ARFGAP3: variants seen among roughly 807,000 people sequenced by gnomAD.
ARFGAP3 encodes ADP-ribosylation factor GTPase-activating protein 3.
A neutral mutation model predicts 75.0 loss-of-function variants in ARFGAP3; 72 were observed. The observed-to-expected ratio is 0.96, with a 90% CI of 0.79 to 1.17. The LOEUF is 1.17. ARFGAP3 is among the 50% of genes most tolerant of loss of function. The pLI is 0.00. For missense variants in ARFGAP3, 620 were observed against 626.6 expected, an observed-to-expected ratio of 0.99 and a Z score of 0.11; for synonymous variants, 221 against 217.9, an observed-to-expected ratio of 1.01 and a Z score of -0.13.
At chr22:42,838,394 C>T (rs1263106510) in intron 3 of ARFGAP3, among the ~76,000 whole-genome samples, 1 of 150,912 alleles carries the variant, frequency 6.6e-6, no homozygotes, top group African/African-American at 2.4e-5. Context: ...AACTCCTGGG[C>T]TCAAGTGATC....
intron 15 of ARFGAP3, 146 bp from the exon 16 acceptor site, chr22:42,797,751 T>G: frequency 6.4e-7 from 1 of 1,557,658 alleles, no homozygotes; most frequent in Admixed American, 2.0e-5. Flanking sequence ...GGTGTGCTCA[T>G]CTGGAAGCAG....
rs757780559 is a variant in ARFGAP3, at chr22:42,808,814, T to C, written c.1273A>G (p.Lys425Glu). ...DEAQKKFGNV[K>E]AISSDMYFGR... The stretch of plus-strand genomic sequence containing the variant: ...AAATACATATCTGATGAAATGGCCT[T>C]GACATTGCCAAACTTCTTCTGGGCC... Residue 425 changes from lysine (K) to glutamate (E), a missense_variant, in exon 13 of 16, where the codon AAG becomes GAG. Coordinates refer to ENST00000263245, the MANE Select transcript of ARFGAP3 (RefSeq NM_014570.5). 4.3e-6 allele frequency: 7 copies of C among 1,613,782 alleles called. No homozygotes were observed. The African/African-American group carries it at 8.0e-5, about 18-fold the overall frequency.
At chr22:42,837,886 G>A (rs1161507489) in intron 3 of ARFGAP3, among the ~76,000 whole-genome samples, 1 of 151,256 alleles carries the variant, frequency 6.6e-6, no homozygotes, top group Admixed American at 6.6e-5. Flanking sequence ...TGTCCAGGCT[G>A]GTCTTGAACT....
intron 5 of ARFGAP3, among the ~76,000 whole-genome samples, chr22:42,832,648 C>T (rs955197933): frequency 2.0e-5 from 3 of 151,970 alleles, no homozygotes; most frequent in Admixed American, 1.3e-4. Context: ...GCTGGCAGAA[C>T]ATATGATGGT....
intron 4 of ARFGAP3, 32 bp from the exon 5 acceptor site, chr22:42,834,357 T>C (rs1291295430): frequency 1.9e-6 from 3 of 1,607,494 alleles, no homozygotes; most frequent in Admixed American, 1.7e-5. Context: ...GGGCTGAGCA[T>C]TTCATCCGGC....
chr22:42,811,023 T>A, intron 11 of ARFGAP3, 79 bp from the exon 12 acceptor site: 1 of 1,559,178 alleles, frequency 6.4e-7, no homozygotes, highest in Non-Finnish European at 8.7e-7. Flanking sequence ...TCCACAGATG[T>A]GGGGGATGCC....
At chr22:42,810,003 TA>T (rs35072147) in intron 12 of ARFGAP3, among the ~76,000 whole-genome samples, 5,121 of 102,012 alleles carry the variant, frequency 0.05, 190 homozygotes, top group African/African-American at 0.11. Context: ...GACTCCATCT[TA>T]AAAAAAAAAA....
intron 15 of ARFGAP3, 82 bp downstream of exon 15, chr22:42,798,957 C>A: frequency 1.8e-6 from 2 of 1,139,490 alleles, no homozygotes; most frequent in Admixed American, 1.7e-5. Context: ...AATTTTCCAG[C>A]AGTTGAAGAT....
At chr22:42,853,927 T>C (rs1293496405) in intron 1 of ARFGAP3, 3 of 154,516 alleles carry the variant, frequency 1.9e-5, no homozygotes, top group Non-Finnish European at 4.4e-5. Flanking sequence ...GGGCGTGGGA[T>C]GGTGGCGGTA....
intron 6 of ARFGAP3, among the ~76,000 whole-genome samples, chr22:42,827,591 C>A (rs559539387): frequency 1.1e-3 from 165 of 152,324 alleles, no homozygotes; most frequent in Admixed American, 2.0e-3. Context: ...GTCTCAAATT[C>A]CTGACCTCAG....
At chr22:42,818,698 TATC>T (rs1458074614) in intron 9 of ARFGAP3, among the ~76,000 whole-genome samples, 1 of 151,780 alleles carries the variant, frequency 6.6e-6, no homozygotes, top group East Asian at 1.9e-4. Context: ...ATTTCTAAGT[TATC>T]ATCCACTTTA....
intron 1 of ARFGAP3, among the ~76,000 whole-genome samples, chr22:42,851,964 C>A (rs1927294363): frequency 6.6e-6 from 1 of 152,178 alleles, no homozygotes; most frequent in Non-Finnish European, 1.5e-5. Flanking sequence ...CCCATCAGGG[C>A]CAGCTTCCTG....
intron 4 of ARFGAP3, among the ~76,000 whole-genome samples, chr22:42,834,741 C>T (rs1432223634): frequency 6.6e-6 from 1 of 152,192 alleles, no homozygotes; most frequent in Non-Finnish European, 1.5e-5. Context: ...AAATGAGTTG[C>T]CCAAGAAGCA....
intron 7 of ARFGAP3, among the ~76,000 whole-genome samples, chr22:42,824,833 T>C (rs1481837726): frequency 1.3e-5 from 2 of 152,180 alleles, no homozygotes; most frequent in African/African-American, 2.4e-5. Flanking sequence ...TCAGCTCTTG[T>C]TCCCCTCTCT....
At chr22:42,797,692 T>G in intron 15 of ARFGAP3, 87 bp from the exon 16 acceptor site, 1 of 1,612,932 alleles carries the variant, frequency 6.2e-7, no homozygotes, top group Non-Finnish European at 8.5e-7. Flanking sequence ...TCACCCAAAT[T>G]GACACTGCAG....
chr22:42,847,635 G>A lies in ARFGAP3; in HGVS notation c.70-3C>T. 2 of 1,598,654 alleles carry A rather than the reference G, an allele frequency of 1.3e-6. No homozygotes were observed. Among genetic ancestry groups the A allele is most frequent in the Non-Finnish European group, 1.7e-6 (2 of 1,173,922 alleles). Reference sequence around the variant, plus strand: ...TTGGCACCACAATCAAAACACACCTGAAAAAAAATGTTAAATTCAGTTACT... The same window carrying A: ...TTGGCACCACAATCAAAACACACCTAAAAAAAAATGTTAAATTCAGTTACT... On this transcript the variant is annotated splice_region_variant and splice_polypyrimidine_tract_variant and intron_variant, in intron 1 of 15. Transcript: ENST00000263245.
rs988392558 is a variant in ARFGAP3, at chr22:42,822,403, C to T, written c.679G>A (p.Ala227Thr). 1.2e-5 allele frequency: 20 copies of T among 1,613,744 alleles called. No individual in the cohort carries two copies. The highest frequency in any genetic ancestry group is 1.6e-5 in the Non-Finnish European group (19 of 1,179,958). The stretch of plus-strand genomic sequence containing the variant: ...TGAGCTCCCAAACTTCCTTTTTTGG[C>T]CCCAAGCTAGAACATATATAAGACT... ...KPNQAKKGLG[A>T]KKGSLGAQKL... The change falls in exon 9 of 16, where the codon GCC becomes ACC. Residue 227 changes from alanine to threonine, a missense_variant. Transcript: ENST00000263245.
intron 1 of ARFGAP3, among the ~76,000 whole-genome samples, chr22:42,851,175 G>C (rs188583406): frequency 1.1e-4 from 17 of 152,350 alleles, no homozygotes; most frequent in African/African-American, 3.1e-4. Context: ...CAGGAAGTCT[G>C]CCCACATGGA....
Position 42,810,450 on chromosome 22 carries a change from T to C in ARFGAP3, c.1196+363A>G, listed in dbSNP as rs531596924. 6.6e-5 allele frequency among the ~76,000 whole-genome samples: 10 copies of C among 152,114 alleles called. No individual in the cohort carries two copies. In the South Asian group the frequency reaches 1.9e-3, roughly 28 times the overall value. On this transcript the variant is annotated intron_variant, in intron 12 of 15. Transcript: ENST00000263245. The stretch of plus-strand genomic sequence containing the variant: ...CTGCACTCCAGCCTGGGCAACAGAG[T>C]GAGACTCTGTCTCAAAAATAAAACA...
Sources: allele counts gnomAD v4.1 joint callset (sites outside exome capture counted in the v4.1 genomes callset), GRCh38; gene constraint gnomAD v4.1.1; transcripts MANE v1.5; gene names NCBI Gene and HGNC (gene_info 2026-07-23, HGNC 2026-07-21).